PDE10A: variants seen among roughly 807,000 people sequenced by gnomAD.
PDE10A encodes the protein cAMP and cAMP-inhibited cGMP 3',5'-cyclic phosphodiesterase 10A.
Under a neutral mutation model 97.7 loss-of-function variants are expected in PDE10A, and 39 were observed. The ratio of observed to expected loss-of-function variants is 0.40; its 90% CI spans 0.31 to 0.52. The LOEUF (loss-of-function observed/expected upper bound fraction) is 0.52. PDE10A is among the 20% of genes least tolerant of loss of function. The pLI is 0.56. For synonymous variants in PDE10A, 371 were observed against 376.8 expected (o/e 0.98, Z 0.18); for missense variants, 731 against 1,047.8 (o/e 0.70, Z 4.17).
intron 2 of PDE10A, among the ~76,000 whole-genome samples, chr6:165,535,944 T>A (rs191960947): frequency 7.2e-5 from 11 of 152,050 alleles, no homozygotes; most frequent in Non-Finnish European, 1.3e-4. Flanking sequence ...ATAACATTGT[T>A]CACAGAAATA....
intron 1 of PDE10A, among the ~76,000 whole-genome samples, chr6:165,896,179 G>T (rs2461721): frequency 6.6e-6 from 1 of 152,014 alleles, no homozygotes; most frequent in South Asian, 2.1e-4. Flanking sequence ...ACTGCATCTT[G>T]CTGGAGTTGT....
At chr6:165,471,756 TC>T (rs1404536090) in intron 3 of PDE10A, among the ~76,000 whole-genome samples, 1 of 152,128 alleles carries the variant, frequency 6.6e-6, no homozygotes, top group South Asian at 2.1e-4. Context: ...CCAAGCATTT[TC>T]CCCTACCTCC....
At chr6:165,380,741 C>T (rs1322401307) in intron 17 of PDE10A, among the ~76,000 whole-genome samples, 1 of 152,196 alleles carries the variant, frequency 6.6e-6, no homozygotes, top group African/African-American at 2.4e-5. Context: ...GGGACTCAGG[C>T]TTTGGGCTGG....
chr6:165,553,164 T>G lies in PDE10A; in HGVS notation c.866-9596A>C, dbSNP rs112942143. Among the ~76,000 whole-genome samples, 857 of 152,324 alleles carry G rather than the reference T, an allele frequency of 5.6e-3. 12 individuals carry two copies. The highest frequency in any genetic ancestry group is 0.019 in the African/African-American group (790 of 41,572). ...AACTTCATGAACATAACAATTTATA[T>G]AGCAGTTCTTTCTAACCACTTACTG... On this transcript the variant is annotated intron_variant, in intron 1 of 21. Coordinates refer to ENST00000539869, the MANE Select transcript of PDE10A (RefSeq NM_001385079.1).
chr6:165,420,263 G>A (rs1431946215), intron 10 of PDE10A, among the ~76,000 whole-genome samples: 1 of 152,048 alleles, frequency 6.6e-6, no homozygotes, highest in Admixed American at 6.6e-5. Context: ...TATTTTTATG[G>A]CTGCTACAAC....
At chr6:165,440,851 G>A (rs1189521832) in intron 5 of PDE10A, among the ~76,000 whole-genome samples, 1 of 151,770 alleles carries the variant, frequency 6.6e-6, no homozygotes, top group East Asian at 1.9e-4. Flanking sequence ...AAATTTTAAA[G>A]TATAAAGTAC....
At chr6:165,682,891 G>T (rs1265598045) in intron 1 of PDE10A, among the ~76,000 whole-genome samples, 1 of 152,154 alleles carries the variant, frequency 6.6e-6, no homozygotes, top group Admixed American at 6.5e-5. Context: ...GCACCTTCAG[G>T]TCTGGGTTAG....
At chr6:165,372,513 A>G (rs923020678) in intron 18 of PDE10A, among the ~76,000 whole-genome samples, 2 of 133,102 alleles carry the variant, frequency 1.5e-5, no homozygotes, top group African/African-American at 6.3e-5. Context: ...TAGGAATCCA[A>G]CTTACAAGGG....
chr6:165,837,840 C>G (rs946394309), intron 1 of PDE10A, among the ~76,000 whole-genome samples: 1 of 152,056 alleles, frequency 6.6e-6, no homozygotes, highest in African/African-American at 2.4e-5. Context: ...CGCCCGCCAC[C>G]ACACCCGGCT....
chr6:165,544,352 T>C (rs1416474040), intron 1 of PDE10A, among the ~76,000 whole-genome samples: 2 of 152,182 alleles, frequency 1.3e-5, no homozygotes, highest in Non-Finnish European at 2.9e-5. Context: ...GTACTGAATA[T>C]ACATAAGATT....
chr6:165,678,800 A>G (rs1264980503), intron 1 of PDE10A, among the ~76,000 whole-genome samples: 1 of 152,256 alleles, frequency 6.6e-6, no homozygotes, highest in African/African-American at 2.4e-5. Context: ...ATAAATGAGC[A>G]TGCACATTCT....
intron 1 of PDE10A, among the ~76,000 whole-genome samples, chr6:165,573,746 C>T (rs916275236): frequency 6.6e-6 from 1 of 152,134 alleles, no homozygotes; most frequent in Admixed American, 6.5e-5. Context: ...AGGAATCTGG[C>T]CTACAGTCAA....
At chr6:165,970,259 A>G (rs1784628858) in intron 1 of PDE10A, among the ~76,000 whole-genome samples, 2 of 152,242 alleles carry the variant, frequency 1.3e-5, no homozygotes, top group African/African-American at 4.8e-5. Context: ...GTGGTTCTGG[A>G]ACAGATCTTT....
At chr6:165,494,464 GT>G (rs750651618) in intron 2 of PDE10A, among the ~76,000 whole-genome samples, 5,224 of 144,448 alleles carry the variant, frequency 0.036, 210 homozygotes, top group African/African-American at 0.074. Flanking sequence ...GTGGGGGGGG[GT>G]GTGTGTGTGT....
intron 1 of PDE10A, among the ~76,000 whole-genome samples, chr6:165,640,620 C>T (rs1647271952): frequency 6.6e-6 from 1 of 152,220 alleles, no homozygotes; most frequent in African/African-American, 2.4e-5. Flanking sequence ...TACCTCTTCC[C>T]TTCTAAACCT....
At position 165,769,538 on chromosome 6, in the gene PDE10A, A is replaced by G. The variant is rs189779042; in HGVS notation, c.-615+217991T>C. Among the ~76,000 whole-genome samples the G allele has an allele frequency of 5.5e-3, 839 of 152,346 alleles. 1 individual carries two copies. The highest frequency in any genetic ancestry group is 7.7e-3 in the Non-Finnish European group (523 of 68,032). The stretch of plus-strand genomic sequence containing the variant: ...CTTTGTCTGCCAAAGAAAAGAATGT[A>G]TGCAGACTTCTGGCTGCACACATCC... On this transcript the variant is annotated intron_variant, in intron 1 of 19. Coordinates refer to the PDE10A transcript ENST00000366882.
intron 1 of PDE10A, among the ~76,000 whole-genome samples, chr6:165,579,680 A>G (rs1785504258): frequency 1.3e-5 from 2 of 152,022 alleles, no homozygotes; most frequent in South Asian, 2.1e-4. Flanking sequence ...GTCAAAACAT[A>G]AACTAGATCA....
chr6:165,779,481 T>TG (rs1778288371), intron 1 of PDE10A, among the ~76,000 whole-genome samples: 1 of 152,220 alleles, frequency 6.6e-6, no homozygotes, highest in Non-Finnish European at 1.5e-5. Flanking sequence ...AAGTCCTACG[T>TG]GGGGTTTCCA....
At chr6:165,411,086 CAAAAAAAAAA>C (rs71026688) in intron 13 of PDE10A, among the ~76,000 whole-genome samples, 7 of 43,080 alleles carry the variant, frequency 1.6e-4, no homozygotes, top group South Asian at 1.1e-3. Context: ...GACTCCGCCT[CAAAAAAAAAA>C]AAAAAAAAAA....
Sources: gnomAD v4.1 joint callset for allele counts (sites outside exome capture counted in the v4.1 genomes callset) on GRCh38, gnomAD v4.1.1 for gene constraint, MANE v1.5 for transcripts, NCBI Gene and HGNC (gene_info 2026-07-23, HGNC 2026-07-21) for gene names.